The following AMOTL1 variants were observed in gnomAD, a reference collection of about 807,000 sequenced individuals.
AMOTL1 encodes the protein angiomotin like 1, also known as angiomotin-like protein 1.
Under a neutral mutation model 102.9 loss-of-function variants are expected in AMOTL1, and 45 were observed. That is an observed-to-expected ratio of 0.44 (90% CI 0.34 to 0.56). The LOEUF is 0.56. Ranked by LOEUF, AMOTL1 falls within the 20% of genes least tolerant of loss-of-function variation. AMOTL1 has a pLI of 0.01. For missense variants in AMOTL1, 1,114 were observed against 1,225.6 expected (o/e 0.91, Z 1.36); for synonymous variants, 481 against 484.7 (o/e 0.99, Z 0.10).
At chr11:94,744,756 C>A (rs563861646) in intron 3 of AMOTL1, among the ~76,000 whole-genome samples, 1 of 152,250 alleles carries the variant, frequency 6.6e-6, no homozygotes, top group South Asian at 2.1e-4. Context: ...TTAATAACAA[C>A]TTTTCAGAGA....
intron 1 of AMOTL1, among the ~76,000 whole-genome samples, chr11:94,715,276 G>A (rs1950079321): frequency 6.6e-6 from 1 of 151,976 alleles, no homozygotes; most frequent in Non-Finnish European, 1.5e-5. Flanking sequence ...GCTGTTTTAT[G>A]ACCCAGTATA....
intron 2 of AMOTL1, chr11:94,797,142 C>T: frequency 2.3e-6 from 1 of 431,696 alleles, no homozygotes; most frequent in Non-Finnish European, 3.1e-6. Flanking sequence ...CGTATGTACA[C>T]ATGAAACATA....
intron 2 of AMOTL1, among the ~76,000 whole-genome samples, chr11:94,736,786 T>C (rs762015219): frequency 5.9e-5 from 9 of 152,156 alleles, no homozygotes; most frequent in African/African-American, 9.7e-5. Flanking sequence ...AAGAGACCTA[T>C]AAAAGTCAAG....
intron 6 of AMOTL1, among the ~76,000 whole-genome samples, chr11:94,837,106 TTACATGTAG>T (rs1348727045): frequency 6.6e-6 from 1 of 152,184 alleles, no homozygotes; most frequent in Admixed American, 6.5e-5. Context: ...AAAATGACCC[TTACATGTAG>T]TAGGACTATG....
chr11:94,828,588 A>G (rs1389429679), intron 4 of AMOTL1, among the ~76,000 whole-genome samples: 4 of 152,084 alleles, frequency 2.6e-5, no homozygotes, highest in Non-Finnish European at 5.9e-5. Flanking sequence ...TCTCTTTGTA[A>G]TATTTACAGG....
At chr11:94,801,560 C>T (rs1311787217) in intron 3 of AMOTL1, among the ~76,000 whole-genome samples, 3 of 152,088 alleles carry the variant, frequency 2.0e-5, no homozygotes, top group Admixed American at 6.5e-5. Context: ...GGGAGCCCCA[C>T]GCCACAAGGA....
At chr11:94,767,201 T>G (rs1406645885), upstream of AMOTL1, among the ~76,000 whole-genome samples, 1 of 150,530 alleles carries the variant, frequency 6.6e-6, no homozygotes, top group Non-Finnish European at 1.5e-5. Flanking sequence ...GCTCTAAGTT[T>G]CTTTTGTGTG....
Position 94,731,914 on chromosome 11 carries a change from T to A in AMOTL1, c.85+2859T>A, listed in dbSNP as rs1201959559. 3.3e-5 allele frequency among the ~76,000 whole-genome samples: 5 copies of A among 152,320 alleles called. No individual in the cohort carries two copies. In the South Asian group the frequency reaches 1.0e-3, roughly 32 times the overall value. The stretch of plus-strand genomic sequence containing the variant: ...GGTTATTTGCTTGTCACAGTTAAAA[T>A]GAAAACTAGCCCTGAGCAGGGCCAG... On this transcript the variant is annotated intron_variant, in intron 2 of 4. Transcript: ENST00000299004.
chr11:94,738,664 G>C (rs1950472043), intron 2 of AMOTL1, among the ~76,000 whole-genome samples: 1 of 152,186 alleles, frequency 6.6e-6, no homozygotes, highest in Admixed American at 6.5e-5. Context: ...CATGGAAAGA[G>C]AGCAGAACAT....
intron 1 of AMOTL1, chr11:94,706,654 G>C (rs938236535): frequency 1.3e-5 from 2 of 152,214 alleles, no homozygotes; most frequent in Non-Finnish European, 2.9e-5. Flanking sequence ...ACGAGGGGGG[G>C]ATTTTGGAAG....
chr11:94,810,157 A>G (rs1210877549), intron 3 of AMOTL1, among the ~76,000 whole-genome samples: 1 of 152,248 alleles, frequency 6.6e-6, no homozygotes, highest in African/African-American at 2.4e-5. Flanking sequence ...CAAGGTACAG[A>G]GAGAAAGAGT....
chr11:94,826,692 C>T lies in AMOTL1; in HGVS notation c.1414-3358C>T, dbSNP rs78459896. On this transcript the variant is annotated intron_variant, in intron 4 of 12. Transcript: ENST00000433060. Reference sequence around the variant, plus strand: ...AGGCACCAAGCCATTCACAAGGGACCCGCCCCCATGACCCAAACACTTCCC... The same window carrying T: ...AGGCACCAAGCCATTCACAAGGGACTCGCCCCCATGACCCAAACACTTCCC... Among the ~76,000 whole-genome samples, 518 of 152,284 alleles carry T rather than the reference C, an allele frequency of 3.4e-3. 19 individuals are homozygous for T. In the East Asian group the frequency reaches 0.073, roughly 22 times the overall value.
At chr11:94,733,525 C>A (rs1226985502) in intron 2 of AMOTL1, among the ~76,000 whole-genome samples, 1 of 152,202 alleles carries the variant, frequency 6.6e-6, no homozygotes, top group African/African-American at 2.4e-5. Context: ...CTTGGGAAAA[C>A]CACTTTTCTG....
rs1451185025 is a variant in AMOTL1 at position 94,873,505 on chromosome 11, A to G, written c.*2710A>G. 6.6e-6 allele frequency: 1 copy of G among 152,226 alleles called. No homozygotes were observed. The highest frequency in any genetic ancestry group is 1.5e-5 in the Non-Finnish European group (1 of 68,052). 9.4% of individuals were successfully genotyped at this position (152,226 alleles called of 1,614,324 possible). Reference sequence around the variant, plus strand: ...AACTATATTTTCTAGTGTCAACTGTATGCAAACAGTGTGGTAAATACCTTT... The same window carrying G: ...AACTATATTTTCTAGTGTCAACTGTGTGCAAACAGTGTGGTAAATACCTTT... On this transcript the variant is annotated 3_prime_UTR_variant, in exon 13 of 13. Transcript: ENST00000433060.
intron 3 of AMOTL1, among the ~76,000 whole-genome samples, chr11:94,755,618 G>C (rs1261710976): frequency 1.3e-5 from 2 of 152,196 alleles, no homozygotes; most frequent in Non-Finnish European, 2.9e-5. Context: ...TTACTGAAAT[G>C]GGAGGAGTTC....
intron 2 of AMOTL1, among the ~76,000 whole-genome samples, chr11:94,798,326 A>G (rs1041081309): frequency 2.0e-5 from 3 of 152,182 alleles, no homozygotes; most frequent in Non-Finnish European, 2.9e-5. Flanking sequence ...GTTATTAATG[A>G]TGAACTTGGA....
chr11:94,785,435 ATG>A (rs1951171067), intron 1 of AMOTL1, among the ~76,000 whole-genome samples: 1 of 152,180 alleles, frequency 6.6e-6, no homozygotes, highest in African/African-American at 2.4e-5. Flanking sequence ...GATAAATAAT[ATG>A]ATTTTTATAA....
rs918148778 is a variant in AMOTL1 at position 94,871,002 on chromosome 11, A to G, written c.*207A>G. On this transcript the variant is annotated 3_prime_UTR_variant, in exon 13 of 13. Coordinates refer to ENST00000433060, the MANE Select transcript of AMOTL1 (RefSeq NM_130847.3). ...AAGAGAATGCGATGGATTTTATTAC[A>G]CATGGTGGAAGAGAGAAGAGGCGTG... 8.4e-6 allele frequency: 4 copies of G among 473,594 alleles called. No homozygotes were observed. The highest frequency in any genetic ancestry group is 5.8e-5 in the African/African-American group (3 of 51,942). 29.3% of individuals were successfully genotyped at this position (473,594 alleles called of 1,614,324 possible).
intron 8 of AMOTL1, among the ~76,000 whole-genome samples, 165 bp from the exon 9 acceptor site, chr11:94,859,360 G>A (rs1047829717): frequency 7.9e-5 from 12 of 152,142 alleles, no homozygotes; most frequent in African/African-American, 2.9e-4. Flanking sequence ...TTGTCGTTTT[G>A]CAGAGCGCCA....
Sources: gnomAD v4.1 joint callset for allele counts (sites outside exome capture counted in the v4.1 genomes callset) on GRCh38, gnomAD v4.1.1 for gene constraint, MANE v1.5 for transcripts, NCBI Gene and HGNC (gene_info 2026-07-23, HGNC 2026-07-21) for gene names.